The following LRP1B variants were observed in gnomAD, a reference collection of about 807,000 sequenced individuals.
LRP1B encodes low-density lipoprotein receptor-related protein 1B.
A neutral mutation model predicts 556.6 loss-of-function variants in LRP1B; 217 were observed. The observed-to-expected ratio is 0.39, with a 90% CI of 0.35 to 0.44. LRP1B has a LOEUF of 0.44. LRP1B is among the 20% of genes least tolerant of loss of function. The pLI, the probability that LRP1B is intolerant of heterozygous loss-of-function variation, is 1.00. For missense variants in LRP1B, 5,053 were observed against 5,620.8 expected, an observed-to-expected ratio of 0.90 and a Z score of 3.23; for synonymous variants, 2,047 against 1,865.8, an observed-to-expected ratio of 1.10 and a Z score of -2.50.
At chr2:142,020,121 A>C (rs1400264851) in intron 1 of LRP1B, among the ~76,000 whole-genome samples, 1 of 152,168 alleles carries the variant, frequency 6.6e-6, no homozygotes, top group East Asian at 1.9e-4. Flanking sequence ...TCAAAATTGC[A>C]AAAGGGCTTA....
At chr2:142,034,122 C>A (rs1370906463) in intron 1 of LRP1B, among the ~76,000 whole-genome samples, 2 of 151,826 alleles carry the variant, frequency 1.3e-5, no homozygotes, top group East Asian at 3.9e-4. Context: ...AATCTGCCCT[C>A]TCCACTCTAC....
In LRP1B at chr2:141,919,868, G is replaced by C. The variant is rs182758113; in HGVS notation, c.83-109467C>G. On this transcript the variant is annotated intron_variant, in intron 1 of 90. Transcript: ENST00000389484. ...CTATGTGAACTTTGATTATGAAATA[G>C]ATCTTAGAAATATAACTAGTTCACA... Among the ~76,000 whole-genome samples the C allele has an allele frequency of 2.6e-5, 4 of 152,034 alleles. No homozygotes were observed. The East Asian group carries it at 7.7e-4, about 29-fold the overall frequency.
At chr2:140,655,171 TTATTA>T (rs1194283528) in intron 41 of LRP1B, among the ~76,000 whole-genome samples, 1 of 152,122 alleles carries the variant, frequency 6.6e-6, no homozygotes, top group Non-Finnish European at 1.5e-5. Context: ...ATTTTTAATC[TTATTA>T]TATAAGGAAA....
At chr2:141,297,032 T>G (rs1056541576) in intron 3 of LRP1B, among the ~76,000 whole-genome samples, 1 of 152,194 alleles carries the variant, frequency 6.6e-6, no homozygotes. Context: ...GCAAAGGATA[T>G]GATTTCATTC....
At chr2:140,322,366 A>G (rs1680186575) in intron 81 of LRP1B, among the ~76,000 whole-genome samples, 1 of 152,028 alleles carries the variant, frequency 6.6e-6, no homozygotes, top group African/African-American at 2.4e-5. Flanking sequence ...TTTTGCTTCT[A>G]ATTGCTTTTG....
At chr2:141,632,926 T>G (rs1688968007) in intron 2 of LRP1B, among the ~76,000 whole-genome samples, 1 of 151,996 alleles carries the variant, frequency 6.6e-6, no homozygotes, top group Non-Finnish European at 1.5e-5. Flanking sequence ...CCATTATTTT[T>G]TCCATGCCAT....
At chr2:141,883,318 G>A (rs143763842) in intron 1 of LRP1B, among the ~76,000 whole-genome samples, 2 of 152,274 alleles carry the variant, frequency 1.3e-5, no homozygotes, top group African/African-American at 4.8e-5. Context: ...GGAGCTGAAA[G>A]GAGAAATAAC....
chr2:141,117,211 T>A (rs79961750), intron 7 of LRP1B, among the ~76,000 whole-genome samples: 2,308 of 149,450 alleles, frequency 0.015, 54 homozygotes, highest in African/African-American at 0.053. Context: ...CTCTGTAGGA[T>A]AAGAATTACA....
At chr2:140,545,427 T>C (rs1033475781) in intron 43 of LRP1B, among the ~76,000 whole-genome samples, 1 of 152,154 alleles carries the variant, frequency 6.6e-6, no homozygotes, top group Admixed American at 6.6e-5. Flanking sequence ...GAGTTTTACA[T>C]TTAATTATTT....
At chr2:140,886,083 G>T (rs2105191682) in intron 24 of LRP1B, 55 bp downstream of exon 24, 3 of 1,137,484 alleles carry the variant, frequency 2.6e-6, no homozygotes, top group South Asian at 1.6e-5. Flanking sequence ...CGTGTTCTTT[G>T]AATTTTCACT....
intron 1 of LRP1B, among the ~76,000 whole-genome samples, chr2:141,980,459 T>C (rs994718689): frequency 4.6e-5 from 7 of 152,144 alleles, no homozygotes; most frequent in African/African-American, 1.7e-4. Flanking sequence ...ATACAAATTA[T>C]GAATAACATT....
chr2:141,475,756 G>A (rs1054122689), intron 3 of LRP1B, among the ~76,000 whole-genome samples: 1 of 147,030 alleles, frequency 6.8e-6, no homozygotes, highest in Non-Finnish European at 1.5e-5. Flanking sequence ...AGAGAAGTTC[G>A]GTTGGGGATG....
intron 17 of LRP1B, among the ~76,000 whole-genome samples, chr2:140,983,278 A>AT (rs1351483151): frequency 6.6e-6 from 1 of 152,028 alleles, no homozygotes; most frequent in African/African-American, 2.4e-5. Context: ...AATGAGATAT[A>AT]TTGGGAAAGG....
chr2:140,531,243 T>C lies in LRP1B; in HGVS notation c.7762+2778A>G, dbSNP rs149885190. On this transcript the variant is annotated intron_variant, in intron 47 of 90. Coordinates refer to ENST00000389484, the MANE Select transcript of LRP1B (RefSeq NM_018557.3). ...ACATTCTTTCTTGATAGCTTTACCT[T>C]TAACCTGGCTTAATGCCTATATTAT... Among the ~76,000 whole-genome samples, 10 of 152,250 alleles carry C rather than the reference T, an allele frequency of 6.6e-5. No homozygotes were observed. In the East Asian group the frequency reaches 1.9e-3, roughly 29 times the overall value.
At chr2:141,077,339 T>C (rs796307333) in intron 7 of LRP1B, among the ~76,000 whole-genome samples, 1 of 152,204 alleles carries the variant, frequency 6.6e-6, no homozygotes, top group Admixed American at 6.5e-5. Context: ...TTATTACATA[T>C]AGGCCAATTA....
intron 41 of LRP1B, chr2:140,683,236 GT>G (rs1685927255): frequency 3.6e-6 from 1 of 279,254 alleles, no homozygotes; most frequent in African/African-American, 2.3e-5. Context: ...TTGAACACTG[GT>G]CTGTGTATCC....
intron 20 of LRP1B, among the ~76,000 whole-genome samples, chr2:140,941,358 G>A (rs527660360): frequency 1.3e-5 from 2 of 152,244 alleles, no homozygotes; most frequent in African/African-American, 2.4e-5. Flanking sequence ...GATCTCTTGA[G>A]AGAAAACACT....
At chr2:141,665,649 T>A (rs768339378) in intron 2 of LRP1B, among the ~76,000 whole-genome samples, 1 of 152,204 alleles carries the variant, frequency 6.6e-6, no homozygotes. Context: ...GTAGCACTAT[T>A]CACGATAGCA....
chr2:141,771,728 T>C (rs958687434), intron 2 of LRP1B, among the ~76,000 whole-genome samples: 8 of 152,326 alleles, frequency 5.3e-5, no homozygotes, highest in African/African-American at 1.9e-4. Context: ...AAGTATGTGA[T>C]AAGTGTGGAG....
Sources: gnomAD v4.1 joint callset for allele counts (sites outside exome capture counted in the v4.1 genomes callset) on GRCh38, gnomAD v4.1.1 for gene constraint, MANE v1.5 for transcripts, NCBI Gene and HGNC (gene_info 2026-07-23, HGNC 2026-07-21) for gene names.